KALRN: variants seen among roughly 807,000 people sequenced by gnomAD.
KALRN encodes the protein kalirin RhoGEF kinase, also known as kalirin.
KALRN carries 70 observed loss-of-function variants against 353.7 expected under a neutral mutation model. The ratio of observed to expected loss-of-function variants is 0.20; its 90% CI spans 0.16 to 0.24. The LOEUF (loss-of-function observed/expected upper bound fraction) is 0.24. Ranked by LOEUF, KALRN falls within the 10% of genes least tolerant of loss-of-function variation. The probability of loss-of-function intolerance (pLI) is 1.00; values close to 1 mark genes in which losing one functional copy is unlikely to be tolerated. For synonymous variants in KALRN, 1,391 were observed against 1,434.8 expected, an observed-to-expected ratio of 0.97 and a Z score of 0.69; for missense variants, 2,791 against 3,756.7, an observed-to-expected ratio of 0.74 and a Z score of 6.72.
chr3:124,269,026 T>C lies in KALRN; in HGVS notation c.740T>C (p.Leu247Pro). 6.2e-7 allele frequency: 1 copy of C among 1,613,662 alleles called. No homozygotes were observed. Among genetic ancestry groups the C allele is most frequent in the South Asian group, 1.1e-5 (1 of 91,044 alleles). Residue 247 changes from leucine to proline, a missense_variant, in exon 5 of 60, where the codon CTG becomes CCG. This residue lies in a region of KALRN where 366 missense variants were observed against 489.2 expected (regional missense o/e 0.75). Coordinates refer to ENST00000682506, the MANE Select transcript of KALRN (RefSeq NM_001388419.1). ...GTGCTGAAGGCCCCTGTGGAGGAGC[T>C]GGACCGGGAGGGGCAGCGGCTGCTG... Reference protein sequence around the residue: ...KKVLKAPVEELDREGQRLLQC... With the variant: ...KKVLKAPVEEPDREGQRLLQC...
chr3:124,569,207 G>A (rs909806968), intron 34 of KALRN, among the ~76,000 whole-genome samples: 1 of 152,144 alleles, frequency 6.6e-6, no homozygotes, highest in African/African-American at 2.4e-5. Context: ...CTAGAGGAGA[G>A]GGACAGTGGC....
intron 37 of KALRN, among the ~76,000 whole-genome samples, chr3:124,641,653 G>A (rs557207057): frequency 2.6e-5 from 4 of 152,264 alleles, no homozygotes; most frequent in East Asian, 1.9e-4. Context: ...AGGCATGAAT[G>A]GGCTTTGTAA....
intron 3 of KALRN, among the ~76,000 whole-genome samples, chr3:124,256,890 G>A (rs189926114): frequency 6.6e-6 from 1 of 152,312 alleles, no homozygotes; most frequent in East Asian, 1.9e-4. Flanking sequence ...CAAATCTTCA[G>A]TAGGTGTCTG....
intron 23 of KALRN, among the ~76,000 whole-genome samples, chr3:124,459,411 G>A (rs1232933944): frequency 6.6e-6 from 1 of 152,174 alleles, no homozygotes; most frequent in Non-Finnish European, 1.5e-5. Flanking sequence ...GAATGAATAG[G>A]GGCCAGAATT....
intron 47 of KALRN, among the ~76,000 whole-genome samples, chr3:124,670,290 A>G (rs990768783): frequency 2.0e-5 from 3 of 152,180 alleles, no homozygotes; most frequent in African/African-American, 4.8e-5. Context: ...GGCCCTTCCC[A>G]TATATTTTCA....
At chr3:124,450,502 C>A (rs999212864) in intron 21 of KALRN, among the ~76,000 whole-genome samples, 1 of 151,336 alleles carries the variant, frequency 6.6e-6, no homozygotes, top group Non-Finnish European at 1.5e-5. Context: ...TACTTTAGAC[C>A]GAGAGAGGTA....
intron 3 of KALRN, among the ~76,000 whole-genome samples, chr3:124,248,615 A>G (rs2070683561): frequency 6.6e-6 from 1 of 152,208 alleles, no homozygotes; most frequent in Admixed American, 6.5e-5. Flanking sequence ...TGTTTTTCGG[A>G]TAATTTACTG....
intron 33 of KALRN, among the ~76,000 whole-genome samples, chr3:124,556,511 A>C (rs1026737019): frequency 6.6e-6 from 1 of 152,196 alleles, no homozygotes; most frequent in Non-Finnish European, 1.5e-5. Context: ...CGAGGACAGA[A>C]GTTTAGTAGA....
Position 124,474,861 on chromosome 3 carries a change from G to A in KALRN, c.4101+129G>A, listed in dbSNP as rs2061293971. ...GGCTACTGAGAGGGACCATGAGTAG[G>A]TCTGAGAGAAGCCTTGGGAAAAGTT... On this transcript the variant is annotated intron_variant, in intron 26 of 59. Coordinates refer to ENST00000682506, the MANE Select transcript of KALRN (RefSeq NM_001388419.1). 5 of 756,226 alleles carry A rather than the reference G, an allele frequency of 6.6e-6. No individual in the cohort carries two copies. The East Asian group carries it at 1.3e-4, about 19-fold the overall frequency. 46.8% of individuals were successfully genotyped at this position (756,226 alleles called of 1,614,324 possible).
chr3:124,202,265 T>G (rs1289780424), intron 1 of KALRN, among the ~76,000 whole-genome samples: 1 of 152,198 alleles, frequency 6.6e-6, no homozygotes, highest in Non-Finnish European at 1.5e-5. Context: ...TGTTTTGTTT[T>G]TTTGAGACTG....
chr3:124,294,294 G>C (rs1159415294), intron 5 of KALRN, among the ~76,000 whole-genome samples: 1 of 152,002 alleles, frequency 6.6e-6, no homozygotes, highest in Non-Finnish European at 1.5e-5. Flanking sequence ...TGTCCCCAAA[G>C]CATGGCTCAG....
At chr3:124,123,252 G>T (rs956465651) in intron 1 of KALRN, among the ~76,000 whole-genome samples, 1 of 150,640 alleles carries the variant, frequency 6.6e-6, no homozygotes, top group African/African-American at 2.4e-5. Flanking sequence ...TGTTAGCCAA[G>T]TTGTGAATGC....
At chr3:124,152,552 C>T (rs1167370150) in intron 1 of KALRN, 5 of 234,622 alleles carry the variant, frequency 2.1e-5, no homozygotes, top group Admixed American at 2.1e-4. Context: ...TTTTCTTTTT[C>T]TTTTCTTTTC....
At chr3:124,317,839 C>A (rs1177736868) in intron 6 of KALRN, among the ~76,000 whole-genome samples, 1 of 151,452 alleles carries the variant, frequency 6.6e-6, no homozygotes, top group African/African-American at 2.4e-5. Context: ...CCTAAAGTTA[C>A]TACATCCTAA....
intron 33 of KALRN, among the ~76,000 whole-genome samples, chr3:124,506,542 A>T (rs1171911945): frequency 2.0e-5 from 3 of 152,228 alleles, no homozygotes; most frequent in Non-Finnish European, 4.4e-5. Context: ...CTAGAATTTC[A>T]GGAGAGATGC....
At chr3:124,703,239 C>A (rs1258017968) in intron 57 of KALRN, among the ~76,000 whole-genome samples, 1 of 152,110 alleles carries the variant, frequency 6.6e-6, no homozygotes, top group Non-Finnish European at 1.5e-5. Flanking sequence ...TCCGTTACAG[C>A]ACCTTTCATC....
chr3:124,325,829 G>A lies in KALRN; in HGVS notation c.1093-151G>A, dbSNP rs534249456. 3.7e-4 allele frequency: 185 copies of A among 497,694 alleles called. 1 individual carries two copies. In the South Asian group the frequency reaches 7.1e-3, roughly 19 times the overall value. The allele number at this position is 497,694 out of a possible 1,614,324, so 30.8% of individuals were successfully genotyped here. ...TGAATTGTAGAAAAAGATTTCCCTT[G>A]GGCCAAAAACAAATACACTAGTATG... On this transcript the variant is annotated intron_variant, in intron 6 of 59. Transcript: ENST00000682506.
intron 37 of KALRN, among the ~76,000 whole-genome samples, chr3:124,642,647 A>G (rs532896453): frequency 6.6e-6 from 1 of 152,140 alleles, no homozygotes; most frequent in East Asian, 1.9e-4. Context: ...CCCCCTTTAG[A>G]AGAATTAACT....
At chr3:124,051,566 C>A (rs1322421000) in intron 1 of KALRN, among the ~76,000 whole-genome samples, 1 of 152,110 alleles carries the variant, frequency 6.6e-6, no homozygotes, top group Non-Finnish European at 1.5e-5. Context: ...AAATGAAGCC[C>A]AAATTAGATT....
Sources: allele counts gnomAD v4.1 joint callset (sites outside exome capture counted in the v4.1 genomes callset), GRCh38; gene constraint gnomAD v4.1.1; regional missense constraint gnomAD v4.1.1; transcripts MANE v1.5; gene names NCBI Gene and HGNC (gene_info 2026-07-23, HGNC 2026-07-21).